TENM3: variants seen among roughly 807,000 people sequenced by gnomAD.
TENM3 encodes the protein teneurin transmembrane protein 3, also known as teneurin-3.
TENM3 carries 63 observed loss-of-function variants against 255.1 expected under a neutral mutation model. The observed-to-expected ratio is 0.25, with a 90% CI of 0.20 to 0.30. The LOEUF is 0.30. Ranked by LOEUF, TENM3 falls within the 10% of genes least tolerant of loss-of-function variation. The pLI, the probability that TENM3 is intolerant of heterozygous loss-of-function variation, is 1.00. For missense variants in TENM3, 2,929 were observed against 3,461.1 expected, an observed-to-expected ratio of 0.85 and a Z score of 3.86; for synonymous variants, 1,306 against 1,322.3, an observed-to-expected ratio of 0.99 and a Z score of 0.27.
chr4:182,550,060 T>A (rs1042743129), intron 3 of TENM3, among the ~76,000 whole-genome samples: 2 of 152,178 alleles, frequency 1.3e-5, no homozygotes, highest in Admixed American at 1.3e-4. Flanking sequence ...AAAATTCCGC[T>A]CAAAACCAGT....
intron 3 of TENM3, among the ~76,000 whole-genome samples, chr4:182,492,308 G>A (rs1735376019): frequency 6.6e-6 from 1 of 152,158 alleles, no homozygotes; most frequent in African/African-American, 2.4e-5. Context: ...AAGTTATCCT[G>A]ATAAGGAACT....
In TENM3 at chr4:182,755,110, T is replaced by A. The variant is rs573334110; in HGVS notation, c.4743T>A (p.Asp1581Glu). 3 of 1,614,028 alleles carry A rather than the reference T, an allele frequency of 1.9e-6. No individual in the cohort carries two copies. Among genetic ancestry groups the A allele is most frequent in the South Asian group, 2.2e-5 (2 of 91,080 alleles). The change falls in exon 22 of 28, where the codon GAT becomes GAA. Residue 1581 changes from aspartate to glutamate, a missense_variant. Physicochemically the swap from Asp to Glu is conservative, Grantham distance 45. Coordinates refer to ENST00000511685, the MANE Select transcript of TENM3 (RefSeq NM_001080477.4). ...NRMPVRVVSP[D>E]NQVIWLTIGT... ...TGCCAGTTCGAGTGGTGTCTCCTGA[T>A]AACCAAGTGATATGGTTGACAATAG...
chr4:181,979,118 A>G, the TENM3 span, among the ~76,000 whole-genome samples: 3 of 81,142 alleles, frequency 3.7e-5, no homozygotes, highest in South Asian at 4.5e-4. Context: ...ATATATATAT[A>G]TATATATATA....
chr4:182,677,259 T>G (rs1755742115), intron 7 of TENM3, among the ~76,000 whole-genome samples: 1 of 152,098 alleles, frequency 6.6e-6, no homozygotes, highest in Admixed American at 6.6e-5. Flanking sequence ...ACCTGTCAGC[T>G]CCTCCTCCCC....
intron 3 of TENM3, among the ~76,000 whole-genome samples, chr4:182,417,238 A>T (rs1770454200): frequency 1.3e-5 from 2 of 151,900 alleles, no homozygotes; most frequent in African/African-American, 4.8e-5. Flanking sequence ...GGCCTCCCAT[A>T]GTGCTGGGAT....
intron 3 of TENM3, among the ~76,000 whole-genome samples, chr4:182,598,342 G>C (rs925349140): frequency 6.6e-6 from 1 of 152,144 alleles, no homozygotes; most frequent in African/African-American, 2.4e-5. Context: ...CAATTCAAGA[G>C]GTTCCAGTAA....
At chr4:181,819,720 AT>A in the TENM3 span, among the ~76,000 whole-genome samples, 1 of 152,164 alleles carries the variant, frequency 6.6e-6, no homozygotes, top group Middle Eastern at 3.2e-3. Flanking sequence ...GGAGTTCACG[AT>A]AAGGTTCACA....
chr4:181,710,628 G>A, the TENM3 span, among the ~76,000 whole-genome samples: 405 of 152,142 alleles, frequency 2.7e-3, 3 homozygotes, highest in Admixed American at 4.2e-3. Flanking sequence ...AGGCTGAGGC[G>A]GGAGAATCGC....
At chr4:181,503,939 G>A in the TENM3 span, among the ~76,000 whole-genome samples, 30,370 of 152,164 alleles carry the variant, frequency 0.2, 3,937 homozygotes, top group Non-Finnish European at 0.29. Flanking sequence ...AAGCAGTGTA[G>A]TATGCTGTTT....
chr4:181,970,520 A>C, the TENM3 span, among the ~76,000 whole-genome samples: 4 of 152,368 alleles, frequency 2.6e-5, no homozygotes, highest in Non-Finnish European at 5.9e-5. Context: ...CATCTGCTTA[A>C]CATCAAGCAG....
At chr4:182,600,424 C>T (rs552704996) in intron 3 of TENM3, among the ~76,000 whole-genome samples, 40 of 152,296 alleles carry the variant, frequency 2.6e-4, no homozygotes, top group African/African-American at 8.7e-4. Flanking sequence ...GAGTAGTCTA[C>T]TGCTGTTTAG....
In TENM3 at chr4:182,659,119, C is replaced by T. The variant is rs182124110; in HGVS notation, c.1111+5226C>T. On this transcript the variant is annotated intron_variant, in intron 6 of 27. Transcript: ENST00000511685. ...TGACTAGGGACCTGTTATGCCATTGCACAAGGGCACGTGGGATGGAAGATG... is the reference window on the plus strand; with the variant it reads ...TGACTAGGGACCTGTTATGCCATTGTACAAGGGCACGTGGGATGGAAGATG... Among the ~76,000 whole-genome samples the T allele has an allele frequency of 1.2e-3, 183 of 152,302 alleles. 1 individual carries two copies. The highest frequency in any genetic ancestry group is 3.4e-3 in the Middle Eastern group (1 of 294).
chr4:182,777,545 T>TGTGTGTGTG (rs1273276930), intron 24 of TENM3, among the ~76,000 whole-genome samples: 2 of 88,626 alleles, frequency 2.3e-5, no homozygotes, highest in Non-Finnish European at 2.2e-5. Flanking sequence ...GTGTGTGTAT[T>TGTGTGTGTG]TCTTTTTTTT....
At chr4:181,939,614 C>A in the TENM3 span, among the ~76,000 whole-genome samples, 2 of 152,336 alleles carry the variant, frequency 1.3e-5, no homozygotes, top group Admixed American at 1.3e-4. Flanking sequence ...TATTTCTCCA[C>A]TTCTTTCTCT....
chr4:181,795,039 G>C, the TENM3 span, among the ~76,000 whole-genome samples: 1 of 152,120 alleles, frequency 6.6e-6, no homozygotes, highest in African/African-American at 2.4e-5. Context: ...ACAATCCCTT[G>C]TATAGTTGGC....
the TENM3 span, among the ~76,000 whole-genome samples, chr4:181,521,761 A>G: frequency 2.0e-5 from 3 of 152,038 alleles, no homozygotes; most frequent in Admixed American, 6.5e-5. Flanking sequence ...CCAAGCATGT[A>G]TGAAATGGTC....
At chr4:182,372,594 C>T (rs1766903764) in intron 3 of TENM3, among the ~76,000 whole-genome samples, 1 of 151,952 alleles carries the variant, frequency 6.6e-6, no homozygotes, top group Non-Finnish European at 1.5e-5. Flanking sequence ...ATGATAAATA[C>T]CTTGTCCTCA....
chr4:182,665,531 A>G (rs1401718200), intron 6 of TENM3, among the ~76,000 whole-genome samples: 1 of 152,190 alleles, frequency 6.6e-6, no homozygotes, highest in African/African-American at 2.4e-5. Context: ...CGTATTTAAG[A>G]AGTACATTTT....
the TENM3 span, among the ~76,000 whole-genome samples, chr4:181,851,911 A>T: frequency 6.6e-6 from 1 of 152,166 alleles, no homozygotes; most frequent in Non-Finnish European, 1.5e-5. Context: ...TATCTTCTAC[A>T]TGCCCAAAGA....
Sources: gnomAD v4.1 joint callset for allele counts (sites outside exome capture counted in the v4.1 genomes callset) on GRCh38, gnomAD v4.1.1 for gene constraint, MANE v1.5 for transcripts, NCBI Gene and HGNC (gene_info 2026-07-23, HGNC 2026-07-21) for gene names.